The following PRSS8 variants were observed in gnomAD, a reference collection of about 807,000 sequenced individuals.
The protein encoded by PRSS8 is prostasin.
PRSS8 carries 11 observed loss-of-function variants against 26.7 expected under a neutral mutation model. That is an observed-to-expected ratio of 0.41 (90% CI 0.26 to 0.68). The LOEUF is 0.68. Ranked by LOEUF, PRSS8 falls within the 30% of genes least tolerant of loss-of-function variation. The probability of loss-of-function intolerance (pLI) is 0.30; values close to 1 mark genes in which losing one functional copy is unlikely to be tolerated. For missense variants in PRSS8, 362 were observed against 443.5 expected, an observed-to-expected ratio of 0.82 and a Z score of 1.65; for synonymous variants, 183 against 187.0, an observed-to-expected ratio of 0.98 and a Z score of 0.17.
At position 31,132,482 on chromosome 16, in the gene PRSS8, G is replaced by C; in HGVS notation, c.652C>G (p.Gln218Glu). Residue 218 changes from glutamine (Q) to glutamate (E), a missense_variant, in exon 5 of 6, where the codon CAA becomes GAA. Coordinates refer to ENST00000317508, the MANE Select transcript of PRSS8 (RefSeq NM_002773.5). This position sits in a 1 kb window ranked among gnomAD's most constrained non-coding sequence, Gnocchi z 5.2. ...TAGCCAGCACACACCATGTCCTCTTGGACAAAGTGCGGCTCCTCAGGCTTG... is the reference window on the plus strand; with the variant it reads ...TAGCCAGCACACACCATGTCCTCTTCGACAAAGTGCGGCTCCTCAGGCTTG... ...DAKPEEPHFV[Q>E]EDMVCAGYVE... 1 of 1,614,054 alleles carries C rather than the reference G, an allele frequency of 6.2e-7. No individual in the cohort carries two copies.
Position 31,133,372 on chromosome 16 carries a change from G to A in PRSS8, c.120C>T (p.Ala40=). The change falls in exon 3 of 6, where the codon GCC becomes GCT. Residue 40 remains alanine, a synonymous_variant. Transcript: ENST00000317508. This position sits in a 1 kb window ranked among gnomAD's most constrained non-coding sequence, Gnocchi z 4.7. The part of the protein sequence containing the change: ...AEGAEAPCGV[A]PQARITGGSS... ...TGCCACCTGTGATGCGTGCTTGGGGGGCCACACCGCAGGGAGCTGCCCAGG... is the reference window on the plus strand; with the variant it reads ...TGCCACCTGTGATGCGTGCTTGGGGAGCCACACCGCAGGGAGCTGCCCAGG... 1 of 1,613,882 alleles carries A rather than the reference G, an allele frequency of 6.2e-7. No individual in the cohort carries two copies. Among genetic ancestry groups the A allele is most frequent in the Non-Finnish European group, 8.5e-7 (1 of 1,179,876 alleles).
At position 31,133,184 on chromosome 16, in the gene PRSS8, A is replaced by C. The variant is rs751032837; in HGVS notation, c.266+42T>G. On this transcript the variant is annotated intron_variant, in intron 3 of 5. Transcript: ENST00000317508. The surrounding 1 kb of genome is among the most constrained non-coding windows in gnomAD (Gnocchi z 4.7). ...ACCTCTGACCTGGATTGACCCATTA[A>C]CTTTGACCTCCAGCCCACTTTTGAC... The C allele has an allele frequency of 1.9e-6, 3 of 1,612,826 alleles. No homozygotes were observed. Among genetic ancestry groups the C allele is most frequent in the Non-Finnish European group, 1.7e-6 (2 of 1,179,802 alleles).
At chr16:31,135,380 A>G in intron 1 of PRSS8, 34 bp downstream of exon 1, 1 of 1,579,574 alleles carries the variant, frequency 6.3e-7, no homozygotes, top group Non-Finnish European at 8.6e-7. Flanking sequence ...CCTCCAGTGC[A>G]TTGTCCCCAC....
chr16:31,135,466 C>T lies in PRSS8; in HGVS notation c.33G>A (p.Gln11=), dbSNP rs1284341413. 6.3e-7 allele frequency: 1 copy of T among 1,587,178 alleles called. No individual in the cohort carries two copies. Among genetic ancestry groups the T allele is most frequent in the Admixed American group, 1.8e-5 (1 of 55,658 alleles). The change falls in exon 1 of 6, where the codon CAG becomes CAA. Residue 11 remains glutamine (Q), a synonymous_variant. Transcript: ENST00000317508. ...AGAGCAGAATGGCCACAGCCCCCAG[C>T]TGCCCAGGCCCCAGGACCCCCTTCT... MAQKGVLGPG[Q]LGAVAILLYL... is the part of the protein sequence containing the mutation.
Position 31,132,989 on chromosome 16 carries a change from C to T in PRSS8, c.267-36G>A. On this transcript the variant is annotated intron_variant, in intron 3 of 5. Transcript: ENST00000317508. The surrounding 1 kb of genome is among the most constrained non-coding windows in gnomAD (Gnocchi z 5.2). ...GGGGCAAAGGCTGAGACCCAGGAGA[C>T]CTCTCCTTGTTCCCCAACCCCCACT... The T allele has an allele frequency of 6.3e-7, 1 of 1,587,326 alleles. No homozygotes were observed. Among genetic ancestry groups the T allele is most frequent in the Non-Finnish European group, 8.6e-7 (1 of 1,166,960 alleles).
Position 31,132,856 on chromosome 16 carries a change from G to A in PRSS8, c.364C>T (p.Pro122Ser). The change falls in exon 4 of 6, where the codon CCC (proline) becomes TCC (serine). Residue 122 changes from proline (P) to serine (S), a missense_variant. Pro to Ser is a moderately conservative substitution (Grantham distance 74). Coordinates refer to ENST00000317508, the MANE Select transcript of PRSS8 (RefSeq NM_002773.5). The surrounding 1 kb of genome is among the most constrained non-coding windows in gnomAD (Gnocchi z 5.2). Reference sequence around the variant, plus strand: ...CCCTCCTGGAGGTAGCTGGGGTGGGGGATGATGTCCTTCAGGGTGCTGACC... The same window carrying A: ...CCCTCCTGGAGGTAGCTGGGGTGGGAGATGATGTCCTTCAGGGTGCTGACC... Reference protein sequence around the residue: ...AKVSTLKDIIPHPSYLQEGSQ... With the variant: ...AKVSTLKDIISHPSYLQEGSQ... 6.2e-7 allele frequency: 1 copy of A among 1,613,836 alleles called. No homozygotes were observed. Among genetic ancestry groups the A allele is most frequent in the Non-Finnish European group, 8.5e-7 (1 of 1,179,842 alleles).
chr16:31,135,617 G>A lies in PRSS8; in HGVS notation c.-119C>T, dbSNP rs2144007282. 2.2e-6 allele frequency: 2 copies of A among 894,662 alleles called. No individual in the cohort carries two copies. Among genetic ancestry groups the A allele is most frequent in the South Asian group, 1.8e-5 (1 of 56,176 alleles). The allele number at this position is 894,662 out of a possible 1,614,324, so 55.4% of individuals were successfully genotyped here. A position where few individuals can be genotyped will look rare whatever the true frequency, so the allele number is the denominator to read the frequency against. ...AGGGAAGGATCCCAGAATCCGGGCTGGAAAGGGGCAGCAAGTGTCCAAGGC... is the reference window on the plus strand; with the variant it reads ...AGGGAAGGATCCCAGAATCCGGGCTAGAAAGGGGCAGCAAGTGTCCAAGGC... On this transcript the variant is annotated 5_prime_UTR_variant, in exon 1 of 6. Coordinates refer to ENST00000317508, the MANE Select transcript of PRSS8 (RefSeq NM_002773.5).
Position 31,133,413 on chromosome 16 carries a change from TCAGGTTGTTAGCCTGGCCAC to T in PRSS8, c.104-45_104-26del. The T allele has an allele frequency of 6.2e-7, 1 of 1,612,012 alleles. No individual in the cohort carries two copies. The highest frequency in any genetic ancestry group is 1.7e-5 in the Admixed American group (1 of 59,900). On this transcript the variant is annotated intron_variant, in intron 2 of 5. Coordinates refer to ENST00000317508, the MANE Select transcript of PRSS8 (RefSeq NM_002773.5). This position sits in a 1 kb window ranked among gnomAD's most constrained non-coding sequence, Gnocchi z 4.7. ...GCTGCCCAGGGAGGAAGGGAAGGGG[TCAGGTTGTTAGCCTGGCCAC>T]TCCTATGCAGCCCAGGAGCTCTGAT...
chr16:31,132,401 G>A lies in PRSS8; in HGVS notation c.705+28C>T. ...AGGCCTCCTTTCCGAAGTTGCACTG[G>A]TCATCTGCCCCCCGGGCCTGTGCTT... On this transcript the variant is annotated intron_variant, in intron 5 of 5. Coordinates refer to ENST00000317508, the MANE Select transcript of PRSS8 (RefSeq NM_002773.5). The surrounding 1 kb of genome is among the most constrained non-coding windows in gnomAD (Gnocchi z 5.2). The A allele has an allele frequency of 6.2e-7, 1 of 1,613,862 alleles. No individual in the cohort carries two copies. The highest frequency in any genetic ancestry group is 8.5e-7 in the Non-Finnish European group (1 of 1,179,820).
intron 2 of PRSS8, chr16:31,134,550 C>T (rs2057596368): frequency 6.5e-6 from 1 of 153,198 alleles, no homozygotes; most frequent in Admixed American, 6.5e-5. Flanking sequence ...CTCAAAACCA[C>T]CTCCAGGATG....
Position 31,132,853 on chromosome 16 carries a change from G to GGGGGAT in PRSS8, c.361_366dup (p.Ile121_Pro122dup). 6.2e-7 allele frequency: 1 copy of GGGGGAT among 1,613,890 alleles called. No homozygotes were observed. Among genetic ancestry groups the GGGGGAT allele is most frequent in the South Asian group, 1.1e-5 (1 of 91,084 alleles). On this transcript the variant is annotated inframe_insertion, in exon 4 of 6. Transcript: ENST00000317508. This position sits in a 1 kb window ranked among gnomAD's most constrained non-coding sequence, Gnocchi z 5.2. ...GAGCCCTCCTGGAGGTAGCTGGGGT[G>GGGGGAT]GGGGATGATGTCCTTCAGGGTGCTG... is the stretch of plus-strand genomic sequence containing the variant.
rs1369136496 is a variant in PRSS8, at chr16:31,133,549, T to TA, written c.104-162dup. On this transcript the variant is annotated intron_variant, in intron 2 of 5. Transcript: ENST00000317508. This position sits in a 1 kb window ranked among gnomAD's most constrained non-coding sequence, Gnocchi z 4.7. The stretch of plus-strand genomic sequence containing the variant: ...TGTGCCCCTTCTGTCCACTACCCAT[T>TA]ACCTAATTCAGGTCTCATGGCAGCT... Among the ~76,000 whole-genome samples the TA allele has an allele frequency of 6.6e-5, 10 of 152,174 alleles. No homozygotes were observed. Among genetic ancestry groups the TA allele is most frequent in the African/African-American group, 2.2e-4 (9 of 41,446 alleles).
rs2057589627 is a variant in PRSS8, at chr16:31,133,039, C to T, written c.267-86G>A. Reference sequence around the variant, plus strand: ...TGCCAACCCCTGATTCCGATCAGCCCCTTTTAGGTCTCAAATTGCACCTTA... The same window carrying T: ...TGCCAACCCCTGATTCCGATCAGCCTCTTTTAGGTCTCAAATTGCACCTTA... On this transcript the variant is annotated intron_variant, in intron 3 of 5. Transcript: ENST00000317508. This position sits in a 1 kb window ranked among gnomAD's most constrained non-coding sequence, Gnocchi z 4.7. The T allele has an allele frequency of 6.3e-7, 1 of 1,583,656 alleles. No individual in the cohort carries two copies. Among genetic ancestry groups the T allele is most frequent in the Non-Finnish European group, 8.6e-7 (1 of 1,165,716 alleles).
In PRSS8 at chr16:31,135,686, G is replaced by A. The variant is rs1268432368; in HGVS notation, c.-188C>T. On this transcript the variant is annotated 5_prime_UTR_variant, in exon 1 of 6. Coordinates refer to ENST00000317508, the MANE Select transcript of PRSS8 (RefSeq NM_002773.5). ...GCGGCCGCAACGGGAGACGCCTGGA[G>A]TATCCGAAGCGAGCAGTGTGGACGA... The A allele has an allele frequency of 3.4e-6, 2 of 594,086 alleles. No individual in the cohort carries two copies. The highest frequency in any genetic ancestry group is 5.9e-6 in the Non-Finnish European group (2 of 336,612). The allele number at this position is 594,086 out of a possible 1,614,324, so 36.8% of individuals were successfully genotyped here. A position where few individuals can be genotyped will look rare whatever the true frequency, so the allele number is the denominator to read the frequency against.
chr16:31,133,294 G>T lies in PRSS8; in HGVS notation c.198C>A (p.Gly66=). ...WPWQVSITYE[G]VHVCGGSLVS... ...CGAGAGAGCCACCACACACATGGAC[G>T]CCTTCATAGGTGATGCTGACCTGCC... The change falls in exon 3 of 6, where the codon GGC becomes GGA. Residue 66 remains glycine (G), a synonymous_variant. Coordinates refer to ENST00000317508, the MANE Select transcript of PRSS8 (RefSeq NM_002773.5). The surrounding 1 kb of genome is among the most constrained non-coding windows in gnomAD (Gnocchi z 4.7). The T allele has an allele frequency of 1.9e-6, 3 of 1,613,972 alleles. No individual in the cohort carries two copies. The highest frequency in any genetic ancestry group is 2.5e-6 in the Non-Finnish European group (3 of 1,179,886).
chr16:31,134,239 A>G (rs2057595116), intron 2 of PRSS8: 1 of 152,250 alleles, frequency 6.6e-6, no homozygotes, highest in East Asian at 1.9e-4. Context: ...AGCAGAGAAA[A>G]TTGCAGACCA....
At position 31,132,044 on chromosome 16, in the gene PRSS8, G is replaced by T. The variant is rs1184302414; in HGVS notation, c.997C>A (p.Leu333Met). ...PILFLPLGLA[L>M]GLLSPWLSEH ...CTGAGCCATGGGGAGAGGAGGCCCA[G>T]AGCCAGGCCCAGAGGCAGGAAAAGG... is the stretch of plus-strand genomic sequence containing the variant. Residue 333 changes from leucine to methionine, a missense_variant, in exon 6 of 6, where the codon CTG becomes ATG. Transcript: ENST00000317508. The surrounding 1 kb of genome is among the most constrained non-coding windows in gnomAD (Gnocchi z 5.2). The T allele has an allele frequency of 6.3e-7, 1 of 1,593,410 alleles. No homozygotes were observed. The highest frequency in any genetic ancestry group is 2.3e-5 in the East Asian group (1 of 44,094).
rs530722276 is a variant in PRSS8, at chr16:31,132,155, T to C, written c.886A>G (p.Thr296Ala). Residue 296 changes from threonine (T) to alanine (A), a missense_variant, in exon 6 of 6, where the codon ACC (threonine) becomes GCC (alanine). Transcript: ENST00000317508. The surrounding 1 kb of genome is among the most constrained non-coding windows in gnomAD (Gnocchi z 5.2). ...TELQPRVVPQTQESQPDSNLC... is the reference protein window; with the variant it reads ...TELQPRVVPQAQESQPDSNLC... ...TTGCTGTCGGGCTGGGACTCCTGGG[T>C]TTGGGGCACCACACGAGGCTGGAGT... The C allele has an allele frequency of 2.5e-6, 4 of 1,613,656 alleles. No homozygotes were observed. The highest frequency in any genetic ancestry group is 3.4e-6 in the Non-Finnish European group (4 of 1,179,824).
Position 31,132,444 on chromosome 16 carries a change from G to GC in PRSS8, c.689dup (p.Lys231GlnfsTer7). Reference sequence around the variant, plus strand: ...CTGTGCTTACCTGGCAGGCGTCCTTGCCCCCCTCCACATAGCCAGCACACA... The same window carrying GC: ...CTGTGCTTACCTGGCAGGCGTCCTTGCCCCCCCTCCACATAGCCAGCACACA... On this transcript the variant is annotated frameshift_variant, in exon 5 of 6. Transcript: ENST00000317508. LOFTEE classifies it low-confidence loss of function (END_TRUNC). This position sits in a 1 kb window ranked among gnomAD's most constrained non-coding sequence, Gnocchi z 5.2. 6.2e-7 allele frequency: 1 copy of GC among 1,613,886 alleles called. No homozygotes were observed. The highest frequency in any genetic ancestry group is 8.5e-7 in the Non-Finnish European group (1 of 1,179,790).
Sources: gnomAD v4.1 joint callset for allele counts (sites outside exome capture counted in the v4.1 genomes callset) on GRCh38, gnomAD v4.1.1 for gene constraint, Gnocchi (gnomAD v3.1) non-coding constraint, MANE v1.5 for transcripts, NCBI Gene and HGNC (gene_info 2026-07-23, HGNC 2026-07-21) for gene names.